The following FOCAD variants were observed in gnomAD, a reference collection of about 807,000 sequenced individuals.
FOCAD encodes the protein focadhesin.
A neutral mutation model predicts 225.6 loss-of-function variants in FOCAD; 198 were observed. The ratio of observed to expected loss-of-function variants is 0.88; its 90% confidence interval spans 0.78 to 0.99. FOCAD has a LOEUF of 0.99. Ranked by LOEUF, FOCAD falls within the 50% of genes least tolerant of loss-of-function variation. The pLI, the probability that FOCAD is intolerant of heterozygous loss-of-function variation, is 0.00. For missense variants in FOCAD, 2,713 were observed against 2,123.6 expected (o/e 1.28, Z -5.46); for synonymous variants, 897 against 755.0 (o/e 1.19, Z -3.08).
At chr9:20,826,159 G>A (rs1824867723) in intron 15 of FOCAD, among the ~76,000 whole-genome samples, 2 of 152,074 alleles carry the variant, frequency 1.3e-5, no homozygotes, top group Admixed American at 6.6e-5. Context: ...GTTCTTGGGT[G>A]CATCTCTGAG....
At chr9:20,838,192 G>A (rs539301202) in intron 15 of FOCAD, among the ~76,000 whole-genome samples, 1 of 152,050 alleles carries the variant, frequency 6.6e-6, no homozygotes, top group African/African-American at 2.4e-5. Flanking sequence ...ATTAGTTGGA[G>A]GTCATTCTAA....
At position 20,823,020 on chromosome 9, in the gene FOCAD, G is replaced by A. The variant is rs1383123462; in HGVS notation, c.1825G>A (p.Ala609Thr). The change falls in exon 15 of 44, where the codon GCT becomes ACT. Residue 609 changes from alanine to threonine, a missense_variant. Coordinates refer to ENST00000338382, the MANE Select transcript of FOCAD (RefSeq NM_001375567.1). ...TCAACATGGTGCAGATATGTTGGCA[G>A]CTATTTCTCAAGTGTTGAATGAATG... ...PYQHGADMLA[A>T]ISQVLNECTK... is the part of the protein sequence containing the mutation. 1.9e-6 allele frequency: 3 copies of A among 1,606,408 alleles called. No homozygotes were observed. The highest frequency in any genetic ancestry group is 1.7e-5 in the Admixed American group (1 of 58,112).
At chr9:20,824,687 T>C (rs565774061) in intron 15 of FOCAD, among the ~76,000 whole-genome samples, 4 of 152,226 alleles carry the variant, frequency 2.6e-5, no homozygotes, top group African/African-American at 9.6e-5. Flanking sequence ...TTAGCTTCTC[T>C]GAAACTTTGT....
rs535050141 is a variant in FOCAD, at chr9:20,788,935, A to G, written c.1198-416A>G. ...GAATTGTCCTCAGTCCAAGTCTGCCATCTGCCCCAGACTGCTTCTGCCTAG... is the reference window on the plus strand; with the variant it reads ...GAATTGTCCTCAGTCCAAGTCTGCCGTCTGCCCCAGACTGCTTCTGCCTAG... On this transcript the variant is annotated intron_variant, in intron 10 of 43. Transcript: ENST00000338382. Among the ~76,000 whole-genome samples, 5 of 152,282 alleles carry G rather than the reference A, an allele frequency of 3.3e-5. No homozygotes were observed. In the South Asian group the frequency reaches 1.0e-3, roughly 32 times the overall value.
intron 28 of FOCAD, among the ~76,000 whole-genome samples, chr9:20,939,506 C>G (rs984808775): frequency 1.3e-5 from 2 of 152,108 alleles, no homozygotes; most frequent in African/African-American, 4.8e-5. Flanking sequence ...CAGGCATTGT[C>G]TCCATCAGTT....
intron 15 of FOCAD, among the ~76,000 whole-genome samples, chr9:20,835,210 G>A (rs1825880078): frequency 6.6e-6 from 1 of 151,506 alleles, no homozygotes; most frequent in Admixed American, 6.6e-5. Context: ...TTTTTTTCAT[G>A]CCATGTACAA....
chr9:20,857,524 A>T (rs1302788204), intron 15 of FOCAD, among the ~76,000 whole-genome samples: 3 of 151,816 alleles, frequency 2.0e-5, no homozygotes, highest in Admixed American at 1.3e-4. Flanking sequence ...ATATGAGATC[A>T]TATCATTTGG....
chr9:20,725,140 C>T (rs1826085766), intron 4 of FOCAD, among the ~76,000 whole-genome samples: 1 of 152,234 alleles, frequency 6.6e-6, no homozygotes, highest in African/African-American at 2.4e-5. Flanking sequence ...CTACTGCACT[C>T]CAGCCTGGAC....
At chr9:20,897,869 C>G (rs574192481) in intron 21 of FOCAD, among the ~76,000 whole-genome samples, 38 of 151,884 alleles carry the variant, frequency 2.5e-4, no homozygotes, top group Non-Finnish European at 4.9e-4. Flanking sequence ...AGCTTCTGAT[C>G]TCTATAATTT....
chr9:20,667,619 C>T (rs1428653212), intron 2 of FOCAD, among the ~76,000 whole-genome samples: 1 of 152,160 alleles, frequency 6.6e-6, no homozygotes, highest in Admixed American at 6.6e-5. Context: ...AGAGGAATTA[C>T]CCAGGAAACC....
intron 21 of FOCAD, among the ~76,000 whole-genome samples, chr9:20,896,000 G>A (rs1832052151): frequency 1.3e-5 from 2 of 151,640 alleles, no homozygotes; most frequent in Admixed American, 1.3e-4. Context: ...GTTAACGGTG[G>A]GTGTTTTGTA....
At chr9:20,795,770 C>G (rs1197581382) in intron 11 of FOCAD, among the ~76,000 whole-genome samples, 1 of 77,604 alleles carries the variant, frequency 1.3e-5, no homozygotes, top group Non-Finnish European at 2.3e-5. Flanking sequence ...GGGGACAGAG[C>G]AAGACTCTGT....
intron 10 of FOCAD, among the ~76,000 whole-genome samples, chr9:20,788,581 A>G (rs1353018450): frequency 3.3e-5 from 5 of 152,168 alleles, no homozygotes; most frequent in Non-Finnish European, 7.3e-5. Flanking sequence ...GACAGTTATA[A>G]TCCAGAGATT....
At position 20,930,931 on chromosome 9, in the gene FOCAD, A is replaced by G. The variant is rs964712783; in HGVS notation, c.3317+1335A>G. 5.9e-5 allele frequency among the ~76,000 whole-genome samples: 9 copies of G among 152,326 alleles called. 1 individual carries two copies. The South Asian group carries it at 1.9e-3, about 32-fold the overall frequency. On this transcript the variant is annotated intron_variant, in intron 27 of 43. Transcript: ENST00000338382. Reference sequence around the variant, plus strand: ...GATTTTTTCCCTTTGCTACTATGCTACAAATGACAGTCTCTCCACCATCTG... The same window carrying G: ...GATTTTTTCCCTTTGCTACTATGCTGCAAATGACAGTCTCTCCACCATCTG...
intron 8 of FOCAD, among the ~76,000 whole-genome samples, chr9:20,777,071 ATT>A (rs1170571704): frequency 6.6e-6 from 1 of 151,934 alleles, no homozygotes; most frequent in Admixed American, 6.6e-5. Context: ...AAATTCACGA[ATT>A]TTTTTCTTTT....
chr9:20,712,730 C>CTTTTTTTT (rs71334550), intron 1 of FOCAD, among the ~76,000 whole-genome samples: 17 of 93,342 alleles, frequency 1.8e-4, no homozygotes, highest in Non-Finnish European at 2.1e-4. Context: ...CTCCTATATT[C>CTTTTTTTT]TTTTTTTTTT....
At chr9:20,816,536 A>G (rs960881225) in intron 11 of FOCAD, among the ~76,000 whole-genome samples, 1 of 152,032 alleles carries the variant, frequency 6.6e-6, no homozygotes, top group Non-Finnish European at 1.5e-5. Context: ...GCACAGCTCC[A>G]CATGCTGCTG....
intron 20 of FOCAD, among the ~76,000 whole-genome samples, chr9:20,883,399 C>A (rs1045923716): frequency 1.2e-4 from 18 of 152,138 alleles, no homozygotes; most frequent in African/African-American, 3.4e-4. Context: ...AATCTATGAA[C>A]AAACTACTGT....
At chr9:20,985,635 G>T (rs528382923) in intron 39 of FOCAD, among the ~76,000 whole-genome samples, 24 of 152,128 alleles carry the variant, frequency 1.6e-4, no homozygotes, top group Middle Eastern at 3.4e-3. Context: ...TTCTTCCTTG[G>T]CTTGAGACCA....
Sources: gnomAD v4.1 joint callset for allele counts (sites outside exome capture counted in the v4.1 genomes callset) on GRCh38, gnomAD v4.1.1 for gene constraint, MANE v1.5 for transcripts, NCBI Gene and HGNC (gene_info 2026-07-23, HGNC 2026-07-21) for gene names.